The following ZNF385D variants were observed in gnomAD, a reference collection of about 807,000 sequenced individuals.
ZNF385D encodes the protein zinc finger protein 385D.
ZNF385D carries 15 observed loss-of-function variants against 35.8 expected under a neutral mutation model. The observed-to-expected ratio is 0.42, with a 90% CI of 0.28 to 0.64. The LOEUF is 0.64. Ranked by LOEUF, ZNF385D falls within the 30% of genes least tolerant of loss-of-function variation. ZNF385D has a pLI of 0.23. For synonymous variants in ZNF385D, 212 were observed against 186.8 expected (o/e 1.13, Z -1.10); for missense variants, 474 against 494.6 (o/e 0.96, Z 0.39).
At chr3:22,257,471 T>C (rs1421553782) in intron 2 of ZNF385D, among the ~76,000 whole-genome samples, 1 of 151,880 alleles carries the variant, frequency 6.6e-6, no homozygotes, top group Non-Finnish European at 1.5e-5. Context: ...TTTCTAGTAA[T>C]TTCTCTTATT....
At chr3:21,623,665 A>G (rs1339037115) in intron 2 of ZNF385D, among the ~76,000 whole-genome samples, 6 of 151,946 alleles carry the variant, frequency 3.9e-5, no homozygotes, top group African/African-American at 7.3e-5. Flanking sequence ...GTGTCTTAAA[A>G]CAAAAACAAA....
rs147714455 is a variant in ZNF385D at position 21,745,466 on chromosome 3, C to T, written c.22+5429G>A. Among the ~76,000 whole-genome samples the T allele has an allele frequency of 5.6e-3, 853 of 152,242 alleles. 32 individuals are homozygous for T. Among genetic ancestry groups the T allele is most frequent in the Admixed American group, 0.05 (761 of 15,286 alleles). ...GGGCTGACTTCCAGCTGCTTCATAA[C>T]GATTTTAACGCTGCGACAGAGCAAA... On this transcript the variant is annotated intron_variant, in intron 1 of 7. Transcript: ENST00000281523.
intron 4 of ZNF385D, among the ~76,000 whole-genome samples, chr3:21,437,860 A>G (rs1229394013): frequency 6.6e-6 from 1 of 152,164 alleles, no homozygotes; most frequent in African/African-American, 2.4e-5. Flanking sequence ...TAGCATATCT[A>G]TTAAATACAT....
chr3:22,091,204 G>C (rs1011472156), intron 3 of ZNF385D, among the ~76,000 whole-genome samples: 46 of 152,190 alleles, frequency 3.0e-4, no homozygotes, highest in African/African-American at 1.1e-3. Flanking sequence ...ACTGAAACTT[G>C]GACACCAAGA....
intron 2 of ZNF385D, among the ~76,000 whole-genome samples, chr3:22,302,542 CACTT>C (rs746920811): frequency 3.3e-5 from 5 of 151,890 alleles, no homozygotes; most frequent in Non-Finnish European, 5.9e-5. Context: ...AGTATTATAA[CACTT>C]ACTCTAGATT....
intron 1 of ZNF385D, among the ~76,000 whole-genome samples, chr3:21,725,013 G>A (rs151090157): frequency 9.9e-5 from 15 of 151,978 alleles, no homozygotes; most frequent in African/African-American, 2.9e-4. Context: ...AAATTAGTAC[G>A]CAGGATTAAG....
chr3:21,833,284 T>C (rs573041297), intron 3 of ZNF385D, among the ~76,000 whole-genome samples: 1 of 152,310 alleles, frequency 6.6e-6, no homozygotes, highest in African/African-American at 2.4e-5. Context: ...TCTGCTATTA[T>C]TACTTCATAT....
intron 3 of ZNF385D, among the ~76,000 whole-genome samples, chr3:21,760,800 A>G (rs2070573263): frequency 6.6e-6 from 1 of 152,230 alleles, no homozygotes; most frequent in African/African-American, 2.4e-5. Context: ...AAAGCAAATG[A>G]TAATTCAATG....
chr3:21,489,152 A>C (rs1004831162), intron 4 of ZNF385D, among the ~76,000 whole-genome samples: 1 of 152,104 alleles, frequency 6.6e-6, no homozygotes, highest in Non-Finnish European at 1.5e-5. Context: ...AAACACACAC[A>C]CACTAAGTAG....
chr3:22,363,080 C>T (rs1040178086), intron 2 of ZNF385D, among the ~76,000 whole-genome samples: 1 of 152,096 alleles, frequency 6.6e-6, no homozygotes, highest in African/African-American at 2.4e-5. Flanking sequence ...ATAAGTTCCT[C>T]TTCGGAGAAC....
intron 3 of ZNF385D, among the ~76,000 whole-genome samples, chr3:21,915,416 C>CT (rs754848366): frequency 2.0e-5 from 3 of 152,170 alleles, no homozygotes; most frequent in South Asian, 2.1e-4. Flanking sequence ...CATTGTGTTA[C>CT]TTTGGAAGTA....
intron 2 of ZNF385D, among the ~76,000 whole-genome samples, chr3:22,344,177 G>GGTGTGT (rs571896117): frequency 0.051 from 7,134 of 140,770 alleles, 211 homozygotes; most frequent in Middle Eastern, 0.072. Context: ...GGTGGGGTGG[G>GGTGTGT]GTGTGTGTGT....
At position 22,195,051 on chromosome 3, in the gene ZNF385D, TC is replaced by T. The variant is rs539226019; in HGVS notation, c.107-26017del. Among the ~76,000 whole-genome samples the T allele has an allele frequency of 1.8e-3, 271 of 151,918 alleles. 2 individuals are homozygous for T. Among genetic ancestry groups the T allele is most frequent in the African/African-American group, 6.4e-3 (264 of 41,504 alleles). On this transcript the variant is annotated intron_variant, in intron 2 of 5. Transcript: ENST00000494108. Reference sequence around the variant, plus strand: ...CTTTATAAGAAACTGCAAATTATTTTCCCCCCAAGAAAGTATTATTTTGAAT... The same window carrying T: ...CTTTATAAGAAACTGCAAATTATTTTCCCCCAAGAAAGTATTATTTTGAAT...
intron 3 of ZNF385D, among the ~76,000 whole-genome samples, chr3:21,518,700 CA>C (rs1199172508): frequency 6.6e-6 from 1 of 152,094 alleles, no homozygotes; most frequent in Non-Finnish European, 1.5e-5. Flanking sequence ...AGCCAACAGG[CA>C]AACAGAAATC....
chr3:21,705,556 G>A (rs9310655), intron 1 of ZNF385D, among the ~76,000 whole-genome samples: 22,678 of 152,096 alleles, frequency 0.15, 1,838 homozygotes, highest in East Asian at 0.19. Flanking sequence ...TTCTACCTAC[G>A]TGGGCATGGG....
At chr3:22,065,513 G>A (rs944931853) in intron 3 of ZNF385D, among the ~76,000 whole-genome samples, 9 of 152,152 alleles carry the variant, frequency 5.9e-5, no homozygotes, top group African/African-American at 2.2e-4. Context: ...GGGCAGAGTT[G>A]CCAGGTGAGT....
At chr3:22,238,138 C>T (rs908332976) in intron 2 of ZNF385D, among the ~76,000 whole-genome samples, 1 of 151,102 alleles carries the variant, frequency 6.6e-6, no homozygotes, top group Non-Finnish European at 1.5e-5. Flanking sequence ...TATTTCTGCA[C>T]TCTCAATTCT....
At chr3:21,583,380 A>G (rs993454979) in intron 2 of ZNF385D, among the ~76,000 whole-genome samples, 8 of 152,304 alleles carry the variant, frequency 5.3e-5, no homozygotes, top group East Asian at 1.9e-4. Context: ...AGAATATACT[A>G]TCATCTTAAA....
chr3:21,816,060 A>G (rs948657721), intron 3 of ZNF385D, among the ~76,000 whole-genome samples: 1 of 152,188 alleles, frequency 6.6e-6, no homozygotes, highest in Non-Finnish European at 1.5e-5. Flanking sequence ...CCAGCATATA[A>G]ACAGAACCAA....
Sources: allele counts gnomAD v4.1 joint callset (sites outside exome capture counted in the v4.1 genomes callset), GRCh38; gene constraint gnomAD v4.1.1; transcripts MANE v1.5; gene names NCBI Gene and HGNC (gene_info 2026-07-23, HGNC 2026-07-21).